The following PCSK5 variants were observed in gnomAD, a reference collection of about 807,000 sequenced individuals.
PCSK5 encodes prohormone convertase 5.
PCSK5 carries 129 observed loss-of-function variants against 233.2 expected under a neutral mutation model. That is an observed-to-expected ratio of 0.55 (90% CI 0.48 to 0.64). The LOEUF is 0.64. PCSK5 is among the 30% of genes least tolerant of loss of function. The pLI is 0.00. For synonymous variants in PCSK5, 825 were observed against 879.2 expected, an observed-to-expected ratio of 0.94 and a Z score of 1.09; for missense variants, 2,076 against 2,430.1, an observed-to-expected ratio of 0.85 and a Z score of 3.06.
At chr9:76,106,458 T>C (rs1368703337) in intron 8 of PCSK5, among the ~76,000 whole-genome samples, 1 of 152,240 alleles carries the variant, frequency 6.6e-6, no homozygotes, top group Non-Finnish European at 1.5e-5. Flanking sequence ...AACATTGCCT[T>C]TGCTGGATGG....
At chr9:75,933,230 CT>C (rs2131284315) in intron 2 of PCSK5, among the ~76,000 whole-genome samples, 1 of 152,320 alleles carries the variant, frequency 6.6e-6, no homozygotes, top group East Asian at 1.9e-4. Context: ...AGTTCAGTAT[CT>C]GCCCTTATTA....
At chr9:76,316,193 T>C (rs532867197) in intron 30 of PCSK5, among the ~76,000 whole-genome samples, 2 of 152,202 alleles carry the variant, frequency 1.3e-5, no homozygotes, top group East Asian at 1.9e-4. Context: ...GAGTGGATCA[T>C]TGTGGCAAGC....
At chr9:76,019,769 T>A (rs1346531335) in intron 3 of PCSK5, among the ~76,000 whole-genome samples, 1 of 152,208 alleles carries the variant, frequency 6.6e-6, no homozygotes, top group Admixed American at 6.5e-5. Context: ...AGGCCATTTC[T>A]TGAACTCACA....
At chr9:75,951,771 AAAC>A (rs373589527) in intron 2 of PCSK5, among the ~76,000 whole-genome samples, 3,332 of 152,210 alleles carry the variant, frequency 0.022, 57 homozygotes, top group Non-Finnish European at 0.031. Context: ...ATAAAATTAA[AAAC>A]AAAAATACAG....
At chr9:76,224,413 C>T (rs923870999) in intron 20 of PCSK5, among the ~76,000 whole-genome samples, 1 of 151,472 alleles carries the variant, frequency 6.6e-6, no homozygotes, top group African/African-American at 2.4e-5. Flanking sequence ...TGACTTTTGA[C>T]ATTGAGAAAA....
rs543932805 is a variant in PCSK5 at position 76,134,728 on chromosome 9, A to C, written c.1312+516A>C. ...GAAATGTTACTTTATATAAACTAAA[A>C]ATTTTAATGAAGCTTTATAATGTCC... On this transcript the variant is annotated intron_variant, in intron 10 of 37. Coordinates refer to ENST00000674117, the MANE Select transcript of PCSK5 (RefSeq NM_001372043.1). Among the ~76,000 whole-genome samples the C allele has an allele frequency of 2.1e-4, 32 of 152,164 alleles. No homozygotes were observed. The South Asian group carries it at 6.2e-3, about 30-fold the overall frequency.
chr9:76,021,306 C>A (rs956527621), intron 3 of PCSK5, among the ~76,000 whole-genome samples: 19 of 151,980 alleles, frequency 1.3e-4, no homozygotes, highest in East Asian at 9.7e-4. Flanking sequence ...TGTTGGATTG[C>A]ATAGAACAGA....
At chr9:76,024,748 A>G (rs890340805) in intron 4 of PCSK5, among the ~76,000 whole-genome samples, 2 of 152,224 alleles carry the variant, frequency 1.3e-5, no homozygotes, top group African/African-American at 4.8e-5. Context: ...TGCAATTAGC[A>G]TGATTGGTGC....
chr9:76,007,549 C>T (rs138392143), intron 3 of PCSK5, among the ~76,000 whole-genome samples: 1 of 152,096 alleles, frequency 6.6e-6, no homozygotes, highest in East Asian at 1.9e-4. Context: ...TTTATCAATG[C>T]ATTTGGAGGG....
chr9:76,355,278 C>A (rs1307184156), intron 37 of PCSK5, among the ~76,000 whole-genome samples: 2 of 152,256 alleles, frequency 1.3e-5, no homozygotes, highest in Middle Eastern at 3.4e-3. Context: ...CGAGAACGTC[C>A]TGGCTAACAT....
At chr9:76,265,986 T>A (rs1827321645) in intron 24 of PCSK5, among the ~76,000 whole-genome samples, 1 of 152,146 alleles carries the variant, frequency 6.6e-6, no homozygotes, top group African/African-American at 2.4e-5. Context: ...TAAACCACAG[T>A]TTTTCTTTTG....
At chr9:76,197,848 T>C (rs189093470) in intron 20 of PCSK5, among the ~76,000 whole-genome samples, 83 of 152,322 alleles carry the variant, frequency 5.4e-4, no homozygotes, top group Non-Finnish European at 2.9e-4. Flanking sequence ...AACATCCCTT[T>C]CTAAATGTTA....
intron 9 of PCSK5, among the ~76,000 whole-genome samples, chr9:76,130,634 G>A (rs1822726174): frequency 6.6e-6 from 1 of 152,096 alleles, no homozygotes; most frequent in South Asian, 2.1e-4. Context: ...TTATTACTAT[G>A]AGTTCAGCAA....
intron 11 of PCSK5, among the ~76,000 whole-genome samples, chr9:76,157,527 C>A (rs1328046379): frequency 6.7e-6 from 1 of 150,234 alleles, no homozygotes; most frequent in African/African-American, 2.5e-5. Flanking sequence ...AAGAGTGGTA[C>A]AAAATGTACG....
At chr9:76,348,416 A>G (rs1477222989) in intron 35 of PCSK5, among the ~76,000 whole-genome samples, 1 of 152,012 alleles carries the variant, frequency 6.6e-6, no homozygotes, top group African/African-American at 2.4e-5. Context: ...GTCTAAAAAC[A>G]AAACTAAAGA....
intron 5 of PCSK5, among the ~76,000 whole-genome samples, chr9:76,027,390 C>T (rs1240929344): frequency 6.6e-6 from 1 of 151,908 alleles, no homozygotes; most frequent in Non-Finnish European, 1.5e-5. Context: ...TTATTTTGTT[C>T]TGTTAAATTC....
At chr9:76,186,167 TTC>T (rs1425635252) in intron 17 of PCSK5, among the ~76,000 whole-genome samples, 1 of 152,226 alleles carries the variant, frequency 6.6e-6, no homozygotes, top group Non-Finnish European at 1.5e-5. Context: ...ATGTCTTTCA[TTC>T]TTTTTCATTG....
At chr9:76,053,538 A>T (rs2131561762) in intron 5 of PCSK5, among the ~76,000 whole-genome samples, 2 of 152,228 alleles carry the variant, frequency 1.3e-5, no homozygotes, top group Middle Eastern at 6.8e-3. Context: ...CTTCTGCCAG[A>T]TACCGTAAAT....
At chr9:75,964,548 C>A (rs1042496305) in intron 2 of PCSK5, among the ~76,000 whole-genome samples, 2 of 152,264 alleles carry the variant, frequency 1.3e-5, no homozygotes, top group Non-Finnish European at 2.9e-5. Context: ...GCAGCTAGCA[C>A]CACCCCACCT....
Sources: allele counts gnomAD v4.1 joint callset (sites outside exome capture counted in the v4.1 genomes callset), GRCh38; gene constraint gnomAD v4.1.1; transcripts MANE v1.5; gene names NCBI Gene and HGNC (gene_info 2026-07-23, HGNC 2026-07-21).